LILRB4: variants seen among roughly 807,000 people sequenced by gnomAD.
The protein encoded by LILRB4 is leukocyte immunoglobulin like receptor B4, also known as leukocyte immunoglobulin-like receptor subfamily B member 4.
In LILRB4, 49 loss-of-function variants were observed where a neutral mutation model predicts 55.2. That is an observed-to-expected ratio of 0.89 (90% CI 0.71 to 1.13). LILRB4 has a LOEUF of 1.13. Among genes scored for constraint, LILRB4 ranks in the 50% most tolerant of loss-of-function variants. The pLI is 0.00. For synonymous variants in LILRB4, 229 were observed against 213.8 expected, an observed-to-expected ratio of 1.07 and a Z score of -0.62; for missense variants, 590 against 555.2, an observed-to-expected ratio of 1.06 and a Z score of -0.63.
rs1210817435 is a variant in LILRB4, at chr19:54,666,243, A to G, written c.878A>G (p.Gln293Arg). Residue 293 changes from glutamine (Q) to arginine (R), a missense_variant, in exon 8 of 12, where the codon CAG (glutamine) becomes CGG (arginine). Gln to Arg is a conservative substitution (Grantham distance 43). Transcript: ENST00000430952. This position sits in a 1 kb window ranked among gnomAD's most constrained non-coding sequence, Gnocchi z 4.8. The stretch of plus-strand genomic sequence containing the variant: ...GACTCTGTCCATCTTCCCCCAGCCC[A>G]GAGACAGGCTGATTTCCAACGTCCT... 6.3e-7 allele frequency: 1 copy of G among 1,599,426 alleles called. No individual in the cohort carries two copies.
Position 54,665,699 on chromosome 19 carries a change from A to G in LILRB4, c.758-116A>G, listed in dbSNP as rs1023217565. 5.6e-6 allele frequency: 7 copies of G among 1,251,876 alleles called. No homozygotes were observed. In the African/African-American group the frequency reaches 7.4e-5, roughly 13 times the overall value. The allele number at this position is 1,251,876 out of a possible 1,614,324, so 77.5% of individuals were successfully genotyped here. A position where few individuals can be genotyped will look rare whatever the true frequency, so the allele number is the denominator to read the frequency against. On this transcript the variant is annotated intron_variant, in intron 6 of 11. Transcript: ENST00000430952. The surrounding 1 kb of genome is among the most constrained non-coding windows in gnomAD (Gnocchi z 5.5). ...GAGGGTGGCAATCTCAGGTTGCACA[A>G]CTGCTGTGAGGGTTGGAGGTAATGA...
At chr19:54,663,014 G>A (rs199956250) in exon 1 of LILRB4, 34 of 1,614,020 alleles carry the variant, frequency 2.1e-5, no homozygotes, top group African/African-American at 1.7e-4. Context: ...GCACAGCTGG[G>A]GCCCCTGGGA....
chr19:54,663,078 AAG>A lies in LILRB4; in HGVS notation c.34+14_34+15del, dbSNP rs1277697337. The A allele has an allele frequency of 1.6e-5, 26 of 1,611,330 alleles. No individual in the cohort carries two copies. The highest frequency in any genetic ancestry group is 2.0e-5 in the Non-Finnish European group (24 of 1,178,440). On this transcript the variant is annotated intron_variant, in intron 1 of 11. Coordinates refer to ENST00000430952, the Ensembl canonical transcript of LILRB4. ...CTCTGCTCTGCCTCGGTGAGATTTAAAGAGGGGGAGGGGAGACCCGAGTCTTG... is the reference window on the plus strand; with the variant it reads ...CTCTGCTCTGCCTCGGTGAGATTTAAAGGGGGAGGGGAGACCCGAGTCTTG...
chr19:54,668,616 A>T (rs55736564), downstream of LILRB4: 1 of 152,358 alleles, frequency 6.6e-6, no homozygotes, highest in Non-Finnish European at 1.5e-5. Context: ...CTTAATGAAC[A>T]TAAGGATAAA....
rs1274583807 is a variant in LILRB4, at chr19:54,666,122, A to G, written c.875-118A>G. ...ATTCTTTCGGTTTTTCTAAACTTAG[A>G]AAGTATTTAAAACATCCTTGCAAGT... On this transcript the variant is annotated intron_variant, in intron 7 of 11. Coordinates refer to ENST00000430952, the Ensembl canonical transcript of LILRB4. The surrounding 1 kb of genome is among the most constrained non-coding windows in gnomAD (Gnocchi z 4.8). 1 of 1,256,026 alleles carries G rather than the reference A, an allele frequency of 8.0e-7. No individual in the cohort carries two copies. Among genetic ancestry groups the G allele is most frequent in the African/African-American group, 1.5e-5 (1 of 66,382 alleles). 77.8% of individuals were successfully genotyped at this position (1,256,026 alleles called of 1,614,324 possible).
chr19:54,667,391 C>T, intron 10 of LILRB4: 2 of 766,016 alleles, frequency 2.6e-6, no homozygotes, highest in African/African-American at 1.8e-5. Context: ...TGCAAAGGCC[C>T]CGAGGCAGCA....
chr19:54,667,476 C>T lies in LILRB4; in HGVS notation c.1042-162C>T, dbSNP rs1222839103. 5 of 1,395,182 alleles carry T rather than the reference C, an allele frequency of 3.6e-6. No homozygotes were observed. The African/African-American group carries it at 5.8e-5, about 16-fold the overall frequency. 86.4% of individuals were successfully genotyped at this position (1,395,182 alleles called of 1,614,324 possible). A position where few individuals can be genotyped will look rare whatever the true frequency, so the allele number is the denominator to read the frequency against. On this transcript the variant is annotated intron_variant, in intron 10 of 11. Coordinates refer to ENST00000430952, the Ensembl canonical transcript of LILRB4. ...TCAGAGTGAGGAGCAGAGACCAGAA[C>T]CACAGGGAGGGAGCGGCCAGACCCT...
chr19:54,663,755 GC>G lies in LILRB4; in HGVS notation c.76del (p.Leu26SerfsTer13). 6.2e-7 allele frequency: 1 copy of G among 1,613,928 alleles called. No homozygotes were observed. The highest frequency in any genetic ancestry group is 8.5e-7 in the Non-Finnish European group (1 of 1,179,920). ...ATCCAGCCTCTGATTTTCTTCCAGG[GC>G]CCCTCCCCAAACCCACCCTCTGGGC... On this transcript the variant is annotated frameshift_variant and splice_region_variant, in exon 3 of 12. Coordinates refer to ENST00000430952, the Ensembl canonical transcript of LILRB4. LOFTEE classifies it high-confidence loss of function.
Position 54,665,526 on chromosome 19 carries a change from TG to T in LILRB4, c.758-285del, listed in dbSNP as rs1197715088. On this transcript the variant is annotated intron_variant, in intron 6 of 11. Coordinates refer to ENST00000430952, the Ensembl canonical transcript of LILRB4. This position sits in a 1 kb window ranked among gnomAD's most constrained non-coding sequence, Gnocchi z 5.5. ...CAGTCAGGCTCTTTCCCTGCAACTC[TG>T]GGGCTTGGCTCTGGTGCAGGAACAA... Among the ~76,000 whole-genome samples the T allele has an allele frequency of 6.6e-6, 1 of 152,088 alleles. No individual in the cohort carries two copies. Among genetic ancestry groups the T allele is most frequent in the Admixed American group, 6.6e-5 (1 of 15,266 alleles).
chr19:54,666,348 C>A lies in LILRB4; in HGVS notation c.950+33C>A. On this transcript the variant is annotated intron_variant, in intron 8 of 11. Coordinates refer to ENST00000430952, the Ensembl canonical transcript of LILRB4. The surrounding 1 kb of genome is among the most constrained non-coding windows in gnomAD (Gnocchi z 4.8). ...TGCCCAAAGACCTCAGACTCCCACC[C>A]ATCCCAACAGCCACCTCACTGTCCC... The A allele has an allele frequency of 6.2e-7, 1 of 1,610,636 alleles. No individual in the cohort carries two copies. The highest frequency in any genetic ancestry group is 8.5e-7 in the Non-Finnish European group (1 of 1,178,078).
chr19:54,664,891 G>A (rs775870186), intron 5 of LILRB4, 42 bp downstream of exon 5: 9 of 1,573,754 alleles, frequency 5.7e-6, no homozygotes, highest in African/African-American at 1.3e-5. Context: ...TCCAAAGCCC[G>A]AGGCCTGTCT....
In LILRB4 at chr19:54,665,270, T is replaced by A. The variant is rs994860731; in HGVS notation, c.757+90T>A. On this transcript the variant is annotated intron_variant, in intron 6 of 11. Transcript: ENST00000430952. The surrounding 1 kb of genome is among the most constrained non-coding windows in gnomAD (Gnocchi z 5.5). ...TAGGTTAAGGCTCCTCTGGAGGTGG[T>A]GATGTGGACAGGCCCCTCCCCTGCA... 55 of 1,425,698 alleles carry A rather than the reference T, an allele frequency of 3.9e-5. 1 individual carries two copies. In the Middle Eastern group the frequency reaches 6.2e-4, roughly 16 times the overall value. The allele number at this position is 1,425,698 out of a possible 1,614,324, so 88.3% of individuals were successfully genotyped here.
chr19:54,663,952 A>G (rs372993759), exon 3 of LILRB4: 43 of 1,613,934 alleles, frequency 2.7e-5, no homozygotes, highest in Non-Finnish European at 3.6e-5. Context: ...TCCATGACAG[A>G]GGACTATGCA....
At position 54,667,550 on chromosome 19, in the gene LILRB4, C is replaced by CTT. The variant is rs2065340066; in HGVS notation, c.1042-88_1042-87insTT. The CTT allele has an allele frequency of 5.7e-6, 9 of 1,580,636 alleles. No homozygotes were observed. The South Asian group carries it at 1.1e-4, about 19-fold the overall frequency. On this transcript the variant is annotated intron_variant, in intron 10 of 11. Coordinates refer to ENST00000430952, the Ensembl canonical transcript of LILRB4. ...GATTCCGTCAGGAAAGGGATGTAAT[C>CTT]GGATCACCCTGGGAACAGTGGGGAA... is the stretch of plus-strand genomic sequence containing the variant.
At chr19:54,667,682 G>T (rs1290044903) in exon 11 of LILRB4, 1 of 1,611,078 alleles carries the variant, frequency 6.2e-7, no homozygotes, top group African/African-American at 1.3e-5. Context: ...ATGCCAAGGT[G>T]AAACACTCCA....
rs1409342143 is a variant in LILRB4, at chr19:54,664,105, C to T, written c.355+67C>T. ...CAGGAAGGGGGTCAGCTCTCAGGGG[C>T]ATCTCCCTCTCACAGCCCAGCCCTG... On this transcript the variant is annotated intron_variant, in intron 3 of 11. Transcript: ENST00000430952. 1.1e-5 allele frequency: 17 copies of T among 1,599,600 alleles called. No homozygotes were observed. The Admixed American group carries it at 1.4e-4, about 13-fold the overall frequency.
Position 54,666,702 on chromosome 19 carries a change from G to A in LILRB4, c.994G>A (p.Ala332Thr), listed in dbSNP as rs770534744. The change falls in exon 10 of 12, where the codon GCC becomes ACC. Residue 332 changes from alanine (A) to threonine (T), a missense_variant. Transcript: ENST00000430952. The surrounding 1 kb of genome is among the most constrained non-coding windows in gnomAD (Gnocchi z 4.8). Reference sequence around the variant, plus strand: ...CCCTTGCTCTACCCCAGCAGGTGCTGCCGTGAAGAACACACAGCCTGAGGA... The same window carrying A: ...CCCTTGCTCTACCCCAGCAGGTGCTACCGTGAAGAACACACAGCCTGAGGA... 3 of 1,614,058 alleles carry A rather than the reference G, an allele frequency of 1.9e-6. No homozygotes were observed. In the Admixed American group the frequency reaches 5.0e-5, roughly 27 times the overall value.
intron 2 of LILRB4, 21 bp from the exon 3 acceptor site, chr19:54,663,733 C>T: frequency 6.2e-7 from 1 of 1,613,028 alleles, no homozygotes; most frequent in Non-Finnish European, 8.5e-7. Flanking sequence ...TCTTGGGATC[C>T]AGCCTCTGAT....
chr19:54,663,188 T>C (rs1049870003), intron 1 of LILRB4, 121 bp downstream of exon 1: 41 of 1,160,020 alleles, frequency 3.5e-5, no homozygotes, highest in Admixed American at 7.5e-5. Flanking sequence ...GGCTCACGCC[T>C]GTAATCCCAG....
Sources: gnomAD v4.1 joint callset for allele counts (sites outside exome capture counted in the v4.1 genomes callset) on GRCh38, gnomAD v4.1.1 for gene constraint, Gnocchi (gnomAD v3.1) non-coding constraint, MANE v1.5 for transcripts, NCBI Gene and HGNC (gene_info 2026-07-23, HGNC 2026-07-21) for gene names.